Variants in SDK1 observed in about 807,000 individuals in gnomAD.
The protein encoded by SDK1 is protein sidekick-1.
In SDK1, 157 loss-of-function variants were observed where a neutral mutation model predicts 245.5. The ratio of observed to expected loss-of-function variants is 0.64; its 90% CI spans 0.56 to 0.73. SDK1 has a LOEUF of 0.73. SDK1 is among the 30% of genes least tolerant of loss of function. SDK1 has a pLI of 0.00. For synonymous variants in SDK1, 1,647 were observed against 1,278.5 expected (o/e 1.29, Z -6.15); for missense variants, 3,583 against 3,002.3 (o/e 1.19, Z -4.52).
intron 1 of SDK1, among the ~76,000 whole-genome samples, chr7:3,425,340 A>G (rs1583838101): frequency 6.6e-6 from 1 of 152,210 alleles, no homozygotes; most frequent in African/African-American, 2.4e-5. Flanking sequence ...CAAGAATTGA[A>G]TGAATATTTT....
intron 1 of SDK1, among the ~76,000 whole-genome samples, chr7:3,433,349 T>C (rs767204166): frequency 1.3e-5 from 2 of 152,248 alleles, no homozygotes; most frequent in African/African-American, 2.4e-5. Flanking sequence ...ATTTCGTCTC[T>C]TGAGAGGAGG....
At chr7:3,836,694 C>T (rs1022523185) in intron 5 of SDK1, among the ~76,000 whole-genome samples, 1 of 152,232 alleles carries the variant, frequency 6.6e-6, no homozygotes, top group African/African-American at 2.4e-5. Context: ...AAAACATCTG[C>T]CCCTCACATT....
intron 1 of SDK1, among the ~76,000 whole-genome samples, chr7:3,365,258 C>A (rs572571121): frequency 6.6e-6 from 1 of 152,202 alleles, no homozygotes; most frequent in South Asian, 2.1e-4. Context: ...CAATTGTATT[C>A]ATTTTCAGTT....
At chr7:3,466,747 G>T (rs981775718) in intron 1 of SDK1, among the ~76,000 whole-genome samples, 1 of 151,532 alleles carries the variant, frequency 6.6e-6, no homozygotes, top group East Asian at 1.9e-4. Flanking sequence ...CTGTCAAGAG[G>T]ATTATGCAAA....
intron 1 of SDK1, among the ~76,000 whole-genome samples, chr7:3,393,115 T>G (rs2128570908): frequency 6.6e-6 from 1 of 151,824 alleles, no homozygotes; most frequent in South Asian, 2.1e-4. Flanking sequence ...AGATTACAGG[T>G]GCCTGCCACC....
rs183585532 is a variant in SDK1, at chr7:3,887,242, G to A, written c.848-63681G>A. ...AGTAGCCCTGGCAAATCACAAGGATGACTGGAGACTTGTGCTTGGACCTTT... is the reference window on the plus strand; with the variant it reads ...AGTAGCCCTGGCAAATCACAAGGATAACTGGAGACTTGTGCTTGGACCTTT... On this transcript the variant is annotated intron_variant, in intron 5 of 44. Transcript: ENST00000404826. Among the ~76,000 whole-genome samples, 388 of 152,242 alleles carry A rather than the reference G, an allele frequency of 2.5e-3. 1 individual carries two copies. The highest frequency in any genetic ancestry group is 7.0e-3 in the Admixed American group (107 of 15,286).
chr7:4,105,954 C>T (rs1394698584), intron 22 of SDK1, among the ~76,000 whole-genome samples: 8 of 152,138 alleles, frequency 5.3e-5, no homozygotes, highest in Non-Finnish European at 1.2e-4. Flanking sequence ...AGCCATGTGG[C>T]ACCTGCCTGG....
intron 1 of SDK1, among the ~76,000 whole-genome samples, chr7:3,616,100 C>G (rs558334296): frequency 6.6e-6 from 1 of 152,222 alleles, no homozygotes; most frequent in South Asian, 2.1e-4. Flanking sequence ...GTTGTCCAAG[C>G]TGGTCTTGCA....
Position 3,951,929 on chromosome 7 carries a change from G to A in SDK1, c.1150+9G>A. 6.2e-7 allele frequency: 1 copy of A among 1,609,768 alleles called. No individual in the cohort carries two copies. Among genetic ancestry groups the A allele is most frequent in the Non-Finnish European group, 8.5e-7 (1 of 1,179,216 alleles). ...CTTTCTTTTCATCATAGGTAATGCG[G>A]GAGCCTCTAAGTGGTGTTGCCAGCA... On this transcript the variant is annotated intron_variant, in intron 7 of 44. Transcript: ENST00000404826.
rs1312144441 is a variant in SDK1 at position 4,049,349 on chromosome 7, G to T, written c.2604G>T (p.Val868=). The T allele has an allele frequency of 6.2e-7, 1 of 1,613,360 alleles. No individual in the cohort carries two copies. ...RAVTEYTLQG[V]PTAPPQNVQT... is the part of the protein sequence containing the mutation. Reference sequence around the variant, plus strand: ...TCATCAATGACTGCCCTGCCACAGTGCCCACCGCGCCCCCGCAGAACGTGC... The same window carrying T: ...TCATCAATGACTGCCCTGCCACAGTTCCCACCGCGCCCCCGCAGAACGTGC... The change falls in exon 18 of 45, where the codon GTG becomes GTT. Residue 868 remains valine (V), a splice_region_variant and synonymous_variant. Coordinates refer to ENST00000404826, the MANE Select transcript of SDK1 (RefSeq NM_152744.4).
intron 32 of SDK1, among the ~76,000 whole-genome samples, chr7:4,165,336 G>A (rs552210384): frequency 6.6e-6 from 1 of 152,058 alleles, no homozygotes; most frequent in African/African-American, 2.4e-5. Context: ...TCCAGCCTGG[G>A]CAACAACAGC....
At position 3,956,944 on chromosome 7, in the gene SDK1, C is replaced by T. The variant is rs556278555; in HGVS notation, c.1151-1987C>T. Among the ~76,000 whole-genome samples, 55 of 152,260 alleles carry T rather than the reference C, an allele frequency of 3.6e-4. No individual in the cohort carries two copies. In the South Asian group the frequency reaches 0.011, roughly 32 times the overall value. On this transcript the variant is annotated intron_variant, in intron 7 of 44. Coordinates refer to ENST00000404826, the MANE Select transcript of SDK1 (RefSeq NM_152744.4). ...CTCGGGGGACTGTACCAGGCGACAA[C>T]GGTAATCAGTACCTCAGGGAAGGCA...
At chr7:3,503,235 TACTC>T (rs1160514411) in intron 1 of SDK1, among the ~76,000 whole-genome samples, 9 of 152,216 alleles carry the variant, frequency 5.9e-5, no homozygotes, top group Non-Finnish European at 1.5e-5. Context: ...AGTAAGAAAT[TACTC>T]ATTAAGACTC....
At chr7:3,623,421 A>G (rs1197002948) in intron 2 of SDK1, among the ~76,000 whole-genome samples, 1 of 151,816 alleles carries the variant, frequency 6.6e-6, no homozygotes, top group Non-Finnish European at 1.5e-5. Context: ...TTTTATTATT[A>G]GTAGAGAAGG....
intron 28 of SDK1, among the ~76,000 whole-genome samples, chr7:4,134,140 G>A (rs1041658924): frequency 2.0e-5 from 3 of 152,176 alleles, no homozygotes; most frequent in African/African-American, 7.2e-5. Flanking sequence ...CCCTGAGAGG[G>A]GGCCTGGAGC....
At chr7:3,500,172 C>T (rs539795339) in intron 1 of SDK1, among the ~76,000 whole-genome samples, 1 of 152,238 alleles carries the variant, frequency 6.6e-6, no homozygotes, top group East Asian at 1.9e-4. Context: ...GGCCTATTCT[C>T]TCTATATCTG....
chr7:3,469,809 C>T (rs977803467), intron 1 of SDK1, among the ~76,000 whole-genome samples: 7 of 152,126 alleles, frequency 4.6e-5, no homozygotes, highest in Non-Finnish European at 1.0e-4. Context: ...ATAAATCTGT[C>T]AGGCATTTTC....
intron 1 of SDK1, among the ~76,000 whole-genome samples, chr7:3,452,023 A>G (rs1199886411): frequency 1.3e-5 from 2 of 152,220 alleles, no homozygotes; most frequent in African/African-American, 4.8e-5. Flanking sequence ...CAGTGAAGGA[A>G]CTTGTATTTT....
At chr7:4,084,657 A>C (rs1438731695) in intron 22 of SDK1, among the ~76,000 whole-genome samples, 1 of 147,912 alleles carries the variant, frequency 6.8e-6, no homozygotes, top group Non-Finnish European at 1.5e-5. Context: ...ACTGACCTTA[A>C]ATGTATATGT....
Sources: gnomAD v4.1 joint callset for allele counts (sites outside exome capture counted in the v4.1 genomes callset) on GRCh38, gnomAD v4.1.1 for gene constraint, MANE v1.5 for transcripts, NCBI Gene and HGNC (gene_info 2026-07-23, HGNC 2026-07-21) for gene names.